SHANK2: variants seen among roughly 807,000 people sequenced by gnomAD.
SHANK2 encodes the protein SH3 and multiple ankyrin repeat domains 2.
A neutral mutation model predicts 133.7 loss-of-function variants in SHANK2; 43 were observed. The observed-to-expected ratio is 0.32, with a 90% CI of 0.25 to 0.41. The LOEUF (loss-of-function observed/expected upper bound fraction) is 0.41. SHANK2 is among the 10% of genes least tolerant of loss of function. The pLI, the probability that SHANK2 is intolerant of heterozygous loss-of-function variation, is 1.00. For missense variants in SHANK2, 1,994 were observed against 2,235.8 expected (o/e 0.89, Z 2.18); for synonymous variants, 1,017 against 952.8 (o/e 1.07, Z -1.24).
At chr11:70,702,150 A>C (rs1462495062) in intron 14 of SHANK2, among the ~76,000 whole-genome samples, 1 of 147,798 alleles carries the variant, frequency 6.8e-6, no homozygotes, top group Non-Finnish European at 1.5e-5. Context: ...CATCTTCTTC[A>C]CCATCATCAC....
chr11:71,060,400 G>A (rs932171699), intron 9 of SHANK2, among the ~76,000 whole-genome samples: 1 of 152,220 alleles, frequency 6.6e-6, no homozygotes, highest in African/African-American at 2.4e-5. Flanking sequence ...AACACGGACT[G>A]TATGAATCAC....
At chr11:70,490,138 G>A in intron 23 of SHANK2, 138 bp downstream of exon 23, 1 of 709,792 alleles carries the variant, frequency 1.4e-6, no homozygotes, top group Non-Finnish European at 2.5e-6. Flanking sequence ...ACCCTCTGGT[G>A]GGTGGGCTGG....
chr11:70,682,283 G>A lies in SHANK2; in HGVS notation c.1853+16405C>T, dbSNP rs746478723. Among the ~76,000 whole-genome samples, 191 of 152,308 alleles carry A rather than the reference G, an allele frequency of 1.3e-3. 1 individual carries two copies. Among genetic ancestry groups the A allele is most frequent in the Non-Finnish European group, 2.3e-3 (154 of 68,036 alleles). On this transcript the variant is annotated intron_variant, in intron 15 of 25. Transcript: ENST00000601538. ...TTACTAGGAAGGACACTGTCTACAC[G>A]AACCCATGGGCATGGAAGCTGGGCA... is the stretch of plus-strand genomic sequence containing the variant.
chr11:70,682,997 G>A (rs1486409538), intron 15 of SHANK2, among the ~76,000 whole-genome samples: 1 of 152,056 alleles, frequency 6.6e-6, no homozygotes, highest in Non-Finnish European at 1.5e-5. Flanking sequence ...GCTGGGACGT[G>A]GCCGAGAGGG....
chr11:71,094,395 C>G (rs555044231), intron 7 of SHANK2, 142 bp downstream of exon 7: 1 of 739,530 alleles, frequency 1.4e-6, no homozygotes, highest in Non-Finnish European at 2.1e-6. Context: ...AAGCTCCAGC[C>G]GGAACACTGT....
At chr11:70,874,065 T>C (rs1473071657) in intron 11 of SHANK2, among the ~76,000 whole-genome samples, 3 of 152,184 alleles carry the variant, frequency 2.0e-5, no homozygotes, top group African/African-American at 7.2e-5. Context: ...TCCATCTACC[T>C]ATAGATCCAT....
At chr11:70,687,770 T>C (rs988332856) in intron 15 of SHANK2, among the ~76,000 whole-genome samples, 12 of 152,186 alleles carry the variant, frequency 7.9e-5, no homozygotes, top group Admixed American at 6.5e-4. Flanking sequence ...TGGGGGCCCC[T>C]GCCCCATCCA....
intron 14 of SHANK2, among the ~76,000 whole-genome samples, chr11:70,791,110 T>C (rs566662278): frequency 1.1e-3 from 171 of 152,346 alleles, no homozygotes; most frequent in Admixed American, 2.5e-3. Flanking sequence ...TCACTTGTCG[T>C]AGCAGCTGAC....
intron 10 of SHANK2, chr11:70,950,021 C>G: frequency 2.2e-6 from 1 of 456,336 alleles, no homozygotes; most frequent in Non-Finnish European, 4.4e-6. Context: ...TGGTGGCTCT[C>G]AATGTGTCTT....
In SHANK2 at chr11:71,188,007, C is replaced by G. The variant is rs1953709961; in HGVS notation, c.-13+36690G>C. 1.3e-5 allele frequency among the ~76,000 whole-genome samples: 2 copies of G among 152,222 alleles called. 1 individual carries two copies. The highest frequency in any genetic ancestry group is 4.1e-4 in the South Asian group (2 of 4,834). ...CTGACCTTCATCTCTGATCCAGAGG[C>G]TTCGTGTCTTCTACTGGTATCACGA... On this transcript the variant is annotated intron_variant, in intron 2 of 25. Coordinates refer to ENST00000601538, the MANE Select transcript of SHANK2 (RefSeq NM_012309.5). This position sits in a 1 kb window ranked among gnomAD's most constrained non-coding sequence, Gnocchi z 4.6.
chr11:71,117,314 C>T (rs1489817456), intron 4 of SHANK2, among the ~76,000 whole-genome samples: 1 of 152,228 alleles, frequency 6.6e-6, no homozygotes, highest in Admixed American at 6.5e-5. Context: ...GCCACCTCAC[C>T]CAGCCAGTTA....
At chr11:70,652,354 G>A (rs551812112) in intron 17 of SHANK2, among the ~76,000 whole-genome samples, 1 of 152,258 alleles carries the variant, frequency 6.6e-6, no homozygotes, top group East Asian at 1.9e-4. Context: ...GCACATGGTG[G>A]GTGTGCCCTG....
intron 17 of SHANK2, among the ~76,000 whole-genome samples, chr11:70,619,690 T>C (rs892407117): frequency 1.3e-5 from 2 of 152,160 alleles, no homozygotes; most frequent in African/African-American, 2.4e-5. Context: ...CCAGGGACCC[T>C]TCCAGGCAGT....
intron 12 of SHANK2, among the ~76,000 whole-genome samples, chr11:70,809,037 C>T (rs1160175021): frequency 1.3e-5 from 2 of 152,188 alleles, no homozygotes; most frequent in African/African-American, 4.8e-5. Flanking sequence ...CTTAACAGGG[C>T]CCAGAGACAG....
chr11:71,149,804 G>A (rs1952731023), intron 2 of SHANK2, among the ~76,000 whole-genome samples: 1 of 136,918 alleles, frequency 7.3e-6, no homozygotes, highest in Non-Finnish European at 1.6e-5. Flanking sequence ...ATGGCTAACT[G>A]TGCATAGGTG....
At position 71,092,080 on chromosome 11, in the gene SHANK2, G is replaced by A. The variant is rs572856882; in HGVS notation, c.912+342C>T. On this transcript the variant is annotated intron_variant, in intron 8 of 25. Transcript: ENST00000601538. ...TTCTGGTATCCTGCCCTGTCAGGAC[G>A]GTGGGAACTTGGAGAGGGCAGGGCT... is the stretch of plus-strand genomic sequence containing the variant. Among the ~76,000 whole-genome samples the A allele has an allele frequency of 7.9e-5, 12 of 152,232 alleles. No individual in the cohort carries two copies. The East Asian group carries it at 1.4e-3, about 17-fold the overall frequency.
At chr11:70,541,943 C>A (rs561079324) in intron 17 of SHANK2, among the ~76,000 whole-genome samples, 40 of 152,230 alleles carry the variant, frequency 2.6e-4, no homozygotes, top group Non-Finnish European at 5.1e-4. Context: ...AACCAGAGAG[C>A]TCCTCACTCA....
At chr11:71,056,947 T>C (rs1252118917) in intron 9 of SHANK2, among the ~76,000 whole-genome samples, 1 of 152,128 alleles carries the variant, frequency 6.6e-6, no homozygotes, top group African/African-American at 2.4e-5. Context: ...TAGAACATTC[T>C]TCACCTAGGC....
At chr11:70,511,583 G>C (rs2059205536) in intron 17 of SHANK2, among the ~76,000 whole-genome samples, 1 of 152,194 alleles carries the variant, frequency 6.6e-6, no homozygotes, top group Non-Finnish European at 1.5e-5. Context: ...CAGATTTATA[G>C]AAGGCTCAGG....
Sources: allele counts gnomAD v4.1 joint callset (sites outside exome capture counted in the v4.1 genomes callset), GRCh38; gene constraint gnomAD v4.1.1; non-coding constraint Gnocchi (gnomAD v3.1); transcripts MANE v1.5; gene names NCBI Gene and HGNC (gene_info 2026-07-23, HGNC 2026-07-21).